SEL1L3: variants seen among roughly 807,000 people sequenced by gnomAD.
The protein encoded by SEL1L3 is protein sel-1 homolog 3.
In SEL1L3, 76 loss-of-function variants were observed where a neutral mutation model predicts 142.8. The ratio of observed to expected loss-of-function variants is 0.53; its 90% CI spans 0.44 to 0.64. SEL1L3 has a LOEUF of 0.64. Ranked by LOEUF, SEL1L3 falls within the 30% of genes least tolerant of loss-of-function variation. The probability of loss-of-function intolerance (pLI) is 0.00; values close to 1 mark genes in which losing one functional copy is unlikely to be tolerated. For synonymous variants in SEL1L3, 504 were observed against 519.6 expected, an observed-to-expected ratio of 0.97 and a Z score of 0.41; for missense variants, 1,262 against 1,381.7, an observed-to-expected ratio of 0.91 and a Z score of 1.37.
At chr4:25,765,255 A>C in intron 20 of SEL1L3, 71 bp downstream of exon 20, 1 of 1,063,656 alleles carries the variant, frequency 9.4e-7, no homozygotes, top group Non-Finnish European at 1.5e-6. Context: ...CGGCCTCCCA[A>C]AGGGCTGGGA....
At chr4:25,782,515 C>A (rs1720073678) in intron 14 of SEL1L3, 97 bp from the exon 15 acceptor site, 3 of 1,022,330 alleles carry the variant, frequency 2.9e-6, no homozygotes, top group Non-Finnish European at 4.2e-6. Context: ...TAAGTCTGAA[C>A]AAAACCTTCC....
chr4:25,780,423 G>A (rs1031062684), intron 15 of SEL1L3, among the ~76,000 whole-genome samples: 1 of 152,040 alleles, frequency 6.6e-6, no homozygotes, highest in African/African-American at 2.4e-5. Flanking sequence ...AGCAGAAACT[G>A]AGTCTCAGAC....
At position 25,765,352 on chromosome 4, in the gene SEL1L3, G is replaced by C. The variant is rs572725760; in HGVS notation, c.2929C>G (p.Gln977Glu). The C allele has an allele frequency of 3.7e-6, 6 of 1,613,528 alleles. No individual in the cohort carries two copies. The South Asian group carries it at 5.5e-5, about 15-fold the overall frequency. Residue 977 changes from glutamine to glutamate, a missense_variant, in exon 20 of 24, where the codon CAA becomes GAA. Transcript: ENST00000399878. ...DLELSVQMYA[Q>E]AALDGDSQGF... is the part of the protein sequence containing the mutation. ...TGGGAGTCTCCATCCAGGGCGGCTT[G>C]GGCGTACATCTGCACAGACAACTCC...
chr4:25,727,637 CA>C, the SEL1L3 span, among the ~76,000 whole-genome samples: 3 of 152,100 alleles, frequency 2.0e-5, no homozygotes, highest in Non-Finnish European at 4.4e-5. Flanking sequence ...TGATCCTGCC[CA>C]AAGTCTCCTC....
intron 2 of SEL1L3, among the ~76,000 whole-genome samples, chr4:25,845,014 G>A (rs1419215771): frequency 5.5e-5 from 7 of 128,058 alleles, no homozygotes; most frequent in East Asian, 4.8e-4. Context: ...TTATTAAAAT[G>A]TAGGTTAAAA....
chr4:25,799,363 C>A (rs760724010), intron 11 of SEL1L3, among the ~76,000 whole-genome samples: 2 of 152,212 alleles, frequency 1.3e-5, no homozygotes, highest in African/African-American at 4.8e-5. Context: ...GGGTGACCTA[C>A]CATACCTGGC....
chr4:25,835,433 G>C (rs1715756493), intron 2 of SEL1L3, 110 bp from the exon 3 acceptor site: 1 of 1,188,480 alleles, frequency 8.4e-7, no homozygotes, highest in African/African-American at 1.5e-5. Context: ...ATTTAAGTGA[G>C]ATACCCTAAA....
chr4:25,748,513 G>C lies in SEL1L3; in HGVS notation c.3311C>G (p.Ser1104Cys), dbSNP rs200796477. Residue 1104 changes from serine (S) to cysteine (C), a missense_variant, in exon 24 of 24, where the codon TCC (serine) becomes TGC (cysteine). Ser to Cys is a moderately radical substitution (Grantham distance 112, BLOSUM62 -1). Around this residue, in one of 3 missense-constraint regions of SEL1L3, gnomAD observed 138 missense variants for 129.7 expected, o/e 1.06. Transcript: ENST00000399878. ...TGGAGTCACAGCTGGACTTGCAGTGGACGTGGCAGTGTCTGGGGAGGCCTG... is the reference window on the plus strand; with the variant it reads ...TGGAGTCACAGCTGGACTTGCAGTGCACGTGGCAGTGTCTGGGGAGGCCTG... ...PSQASPDTAT[S>C]TASPAVTPAA... The C allele has an allele frequency of 5.8e-5, 94 of 1,611,836 alleles. No homozygotes were observed. Among genetic ancestry groups the C allele is most frequent in the Non-Finnish European group, 5.4e-5 (64 of 1,179,180 alleles).
intron 17 of SEL1L3, among the ~76,000 whole-genome samples, chr4:25,774,776 C>T (rs1228632698): frequency 6.6e-6 from 1 of 152,164 alleles, no homozygotes; most frequent in Non-Finnish European, 1.5e-5. Flanking sequence ...ACCCGGCAGG[C>T]GGAGGCTGCA....
chr4:25,818,060 C>G, intron 9 of SEL1L3, 78 bp downstream of exon 9: 1 of 1,462,886 alleles, frequency 6.8e-7, no homozygotes, highest in Non-Finnish European at 9.2e-7. Flanking sequence ...CATAAATCAC[C>G]AAAGAGGGTG....
intron 17 of SEL1L3, among the ~76,000 whole-genome samples, chr4:25,769,007 T>C (rs920134888): frequency 2.5e-5 from 3 of 118,130 alleles, no homozygotes; most frequent in Non-Finnish European, 5.3e-5. Flanking sequence ...TTCTATTCTT[T>C]TTACTTATCT....
rs141888221 is a variant in SEL1L3, at chr4:25,835,145, T to C, written c.860+52A>G. 334 of 1,605,350 alleles carry C rather than the reference T, an allele frequency of 2.1e-4. 2 individuals are homozygous for C. The African/African-American group carries it at 3.2e-3, about 15-fold the overall frequency. On this transcript the variant is annotated intron_variant, in intron 3 of 23. Transcript: ENST00000399878. ...TTCTTCCACTAGCCTGCTCTGGTCC[T>C]CAAATAAAACAAGCACCGCCCGATC...
At position 25,758,849 on chromosome 4, in the gene SEL1L3, C is replaced by T; in HGVS notation, c.3083+92G>A. 4 of 1,297,796 alleles carry T rather than the reference C, an allele frequency of 3.1e-6. No individual in the cohort carries two copies. In the South Asian group the frequency reaches 6.1e-5, roughly 20 times the overall value. The allele number at this position is 1,297,796 out of a possible 1,614,324, so 80.4% of individuals were successfully genotyped here. On this transcript the variant is annotated intron_variant, in intron 21 of 23. Coordinates refer to ENST00000399878, the MANE Select transcript of SEL1L3 (RefSeq NM_015187.5). ...GTTTTTTAAATAACAATTTACATTA[C>T]AATATAAGGGTAAAGCTAACTTTAA... is the stretch of plus-strand genomic sequence containing the variant.
chr4:25,742,829 C>G (rs1717158733), downstream of SEL1L3, among the ~76,000 whole-genome samples: 1 of 152,132 alleles, frequency 6.6e-6, no homozygotes, highest in African/African-American at 2.4e-5. Context: ...AAATGACCTA[C>G]TGCTTGGCAT....
chr4:25,839,073 G>A (rs1716010534), intron 2 of SEL1L3, among the ~76,000 whole-genome samples: 1 of 152,226 alleles, frequency 6.6e-6, no homozygotes, highest in Non-Finnish European at 1.5e-5. Context: ...GGGGAAAGAA[G>A]CGAAGATTTC....
chr4:25,796,651 A>G (rs1328413836), intron 11 of SEL1L3, among the ~76,000 whole-genome samples: 1 of 151,854 alleles, frequency 6.6e-6, no homozygotes, highest in Non-Finnish European at 1.5e-5. Flanking sequence ...AAAATTAGCC[A>G]GGCATGGTGG....
chr4:25,717,399 C>A, the SEL1L3 span, among the ~76,000 whole-genome samples: 1 of 152,178 alleles, frequency 6.6e-6, no homozygotes, highest in Non-Finnish European at 1.5e-5. Flanking sequence ...GGCACAGTGG[C>A]TCACGCCTGT....
downstream of SEL1L3, among the ~76,000 whole-genome samples, chr4:25,747,032 C>G (rs1351035905): frequency 1.3e-5 from 2 of 152,066 alleles, no homozygotes; most frequent in African/African-American, 4.8e-5. Flanking sequence ...GTTACAGGAC[C>G]AGAATTTGAA....
At chr4:25,737,727 T>C in the SEL1L3 span, among the ~76,000 whole-genome samples, 2 of 152,214 alleles carry the variant, frequency 1.3e-5, no homozygotes, top group Non-Finnish European at 2.9e-5. Context: ...TAAAATGACA[T>C]AGTATTTACA....
Sources: allele counts gnomAD v4.1 joint callset (sites outside exome capture counted in the v4.1 genomes callset), GRCh38; gene constraint gnomAD v4.1.1; regional missense constraint gnomAD v4.1.1; transcripts MANE v1.5; gene names NCBI Gene and HGNC (gene_info 2026-07-23, HGNC 2026-07-21).